The following MEGF11 variants were observed in gnomAD, a reference collection of about 807,000 sequenced individuals.
MEGF11 encodes multiple epidermal growth factor-like domains protein 11.
MEGF11 carries 126 observed loss-of-function variants against 146.6 expected under a neutral mutation model. The observed-to-expected ratio is 0.86, with a 90% CI of 0.74 to 1.00. MEGF11 has a LOEUF of 1.00. MEGF11 is among the 50% of genes least tolerant of loss of function. The pLI, the probability that MEGF11 is intolerant of heterozygous loss-of-function variation, is 0.00. For synonymous variants in MEGF11, 532 were observed against 583.4 expected, an observed-to-expected ratio of 0.91 and a Z score of 1.27; for missense variants, 1,509 against 1,521.2, an observed-to-expected ratio of 0.99 and a Z score of 0.13.
chr15:66,038,398 G>A (rs144774598), intron 5 of MEGF11, among the ~76,000 whole-genome samples: 141 of 152,260 alleles, frequency 9.3e-4, no homozygotes, highest in African/African-American at 3.3e-3. Flanking sequence ...TAAAATCGAG[G>A]GATGGTTAAG....
At chr15:66,184,360 G>T (rs1020370000) in intron 1 of MEGF11, among the ~76,000 whole-genome samples, 9 of 151,948 alleles carry the variant, frequency 5.9e-5, no homozygotes, top group Non-Finnish European at 1.2e-4. Context: ...GGTCTCCAGG[G>T]CTGGAACCCA....
chr15:65,979,745 CAA>C (rs912495188), intron 7 of MEGF11, among the ~76,000 whole-genome samples: 75 of 152,180 alleles, frequency 4.9e-4, no homozygotes, highest in African/African-American at 1.6e-3. Flanking sequence ...TCAGAGTTTG[CAA>C]AAGACTTTGG....
At position 65,915,594 on chromosome 15, in the gene MEGF11, A is replaced by G. The variant is rs1346038508; in HGVS notation, c.2349T>C (p.Cys783=). The G allele has an allele frequency of 6.2e-7, 1 of 1,613,742 alleles. No individual in the cohort carries two copies. The highest frequency in any genetic ancestry group is 8.5e-7 in the Non-Finnish European group (1 of 1,179,810). The change falls in exon 19 of 26, where the codon TGT becomes TGC. Residue 783 remains cysteine (C), a synonymous_variant. Coordinates refer to ENST00000395614, the MANE Select transcript of MEGF11 (RefSeq NM_001385028.1). ...ACCCATAGCCAAAGGTTCCTGGGGCACATCCTGTGTGGCACAAAGAGTTAG... is the reference window on the plus strand; with the variant it reads ...ACCCATAGCCAAAGGTTCCTGGGGCGCATCCTGTGTGGCACAAAGAGTTAG... ...GFTGQHCEQR[C]APGTFGYGCQ...
intron 1 of MEGF11, among the ~76,000 whole-genome samples, chr15:66,165,080 C>T (rs2090061407): frequency 6.6e-6 from 1 of 152,216 alleles, no homozygotes; most frequent in African/African-American, 2.4e-5. Flanking sequence ...TGACCAACCC[C>T]TCACAGCACG....
At chr15:65,942,450 C>T (rs767460563) in intron 10 of MEGF11, among the ~76,000 whole-genome samples, 10 of 152,036 alleles carry the variant, frequency 6.6e-5, no homozygotes, top group African/African-American at 1.5e-4. Flanking sequence ...GCTAAGATGG[C>T]GGAATAACAG....
In MEGF11 at chr15:66,191,404, T is replaced by C. The variant is rs1467483742; in HGVS notation, c.-9+62201A>G. ...TGCATCACATAGTTGGGTGGAAAAA[T>C]CCATTATCTTAACAGCTGGCACCAG... On this transcript the variant is annotated intron_variant, in intron 1 of 25. Coordinates refer to ENST00000395614, the MANE Select transcript of MEGF11 (RefSeq NM_001385028.1). Among the ~76,000 whole-genome samples the C allele has an allele frequency of 2.0e-5, 3 of 152,238 alleles. No individual in the cohort carries two copies. In the East Asian group the frequency reaches 5.8e-4, roughly 29 times the overall value.
intron 5 of MEGF11, among the ~76,000 whole-genome samples, chr15:66,081,243 G>C (rs1318755473): frequency 6.6e-6 from 1 of 152,216 alleles, no homozygotes; most frequent in Admixed American, 6.5e-5. Flanking sequence ...TGGCAGGAAG[G>C]GGAGACATCC....
chr15:66,140,589 A>G (rs999808463), intron 1 of MEGF11, among the ~76,000 whole-genome samples: 2 of 152,240 alleles, frequency 1.3e-5, no homozygotes, highest in Non-Finnish European at 2.9e-5. Context: ...CGTGCCCACA[A>G]ATTTCTAAAT....
intron 1 of MEGF11, among the ~76,000 whole-genome samples, chr15:66,151,816 C>T (rs370227537): frequency 5.9e-5 from 9 of 152,210 alleles, no homozygotes; most frequent in African/African-American, 1.2e-4. Flanking sequence ...CAAGACAGAC[C>T]GCTGACCCTG....
intron 15 of MEGF11, 29 bp downstream of exon 15, chr15:65,922,309 A>T (rs2079198651): frequency 1.2e-6 from 2 of 1,601,466 alleles, no homozygotes; most frequent in Non-Finnish European, 1.7e-6. Flanking sequence ...TCACCTCCCC[A>T]CCCAGTACCT....
chr15:66,192,819 C>T (rs1280351183), intron 1 of MEGF11, among the ~76,000 whole-genome samples: 2 of 152,218 alleles, frequency 1.3e-5, no homozygotes, highest in East Asian at 1.9e-4. Flanking sequence ...TGATTCCTGG[C>T]GTGGCGCCCT....
At chr15:66,155,048 A>G (rs1244337175) in intron 1 of MEGF11, among the ~76,000 whole-genome samples, 1 of 152,222 alleles carries the variant, frequency 6.6e-6, no homozygotes, top group Non-Finnish European at 1.5e-5. Context: ...AAGGGATCAT[A>G]TTCAGATGCT....
rs372328818 is a variant in MEGF11, at chr15:66,017,340, C to T, written c.395-34852G>A. Among the ~76,000 whole-genome samples the T allele has an allele frequency of 1.5e-3, 221 of 152,312 alleles. 2 individuals are homozygous for T. In the South Asian group the frequency reaches 0.045, roughly 31 times the overall value. ...ATAGGGACTGCAGTTAACTGAGCAC[C>T]TTCTGTGGGCCAAGCACATTTCATC... On this transcript the variant is annotated intron_variant, in intron 5 of 25. Coordinates refer to ENST00000395614, the MANE Select transcript of MEGF11 (RefSeq NM_001385028.1).
rs146124862 is a variant in MEGF11 at position 66,085,313 on chromosome 15, C to T, written c.394+9089G>A. Among the ~76,000 whole-genome samples the T allele has an allele frequency of 1.6e-3, 251 of 152,270 alleles. 1 individual carries two copies. The highest frequency in any genetic ancestry group is 5.8e-3 in the African/African-American group (240 of 41,532). On this transcript the variant is annotated intron_variant, in intron 5 of 25. Transcript: ENST00000395614. ...GCCCCACCCACTACCGGTCCCTCTC[C>T]ACATTACTATAGCTGATGCTTTCTG...
At chr15:65,911,890 C>T (rs546410807) in intron 21 of MEGF11, among the ~76,000 whole-genome samples, 192 bp downstream of exon 21, 2 of 152,372 alleles carry the variant, frequency 1.3e-5, no homozygotes, top group African/African-American at 4.8e-5. Context: ...CTCCACATAA[C>T]ATGCTGGCTC....
intron 5 of MEGF11, among the ~76,000 whole-genome samples, chr15:65,997,773 T>C (rs2082245327): frequency 6.6e-6 from 1 of 152,078 alleles, no homozygotes. Context: ...AACAAGTAAG[T>C]ATATAATTAT....
Position 65,941,447 on chromosome 15 carries a change from CA to C in MEGF11, c.1288-10505del, listed in dbSNP as rs201714757. On this transcript the variant is annotated intron_variant, in intron 10 of 25. Coordinates refer to ENST00000395614, the MANE Select transcript of MEGF11 (RefSeq NM_001385028.1). Reference sequence around the variant, plus strand: ...TGGGTGACAAAGTGAGACTCCATCTCAAAAAAAAAAAATTCAGACCCAAGAG... The same window carrying C: ...TGGGTGACAAAGTGAGACTCCATCTCAAAAAAAAAAATTCAGACCCAAGAG... Among the ~76,000 whole-genome samples, 364 of 142,122 alleles carry C rather than the reference CA, an allele frequency of 2.6e-3. 2 individuals carry two copies. Among genetic ancestry groups the C allele is most frequent in the Admixed American group, 0.016 (227 of 14,360 alleles). 93.2% of individuals were successfully genotyped at this position (142,122 alleles called of 152,430 possible).
intron 23 of MEGF11, among the ~76,000 whole-genome samples, chr15:65,907,238 T>C (rs1165591769): frequency 1.3e-5 from 2 of 152,228 alleles, no homozygotes; most frequent in African/African-American, 4.8e-5. Context: ...GTTCCACATA[T>C]TACTGAGAGA....
intron 1 of MEGF11, among the ~76,000 whole-genome samples, chr15:66,221,930 G>A (rs543975459): frequency 1.3e-4 from 20 of 152,192 alleles, no homozygotes; most frequent in Admixed American, 2.6e-4. Flanking sequence ...CAAGCTGGCC[G>A]GCAATAAGTA....
Sources: gnomAD v4.1 joint callset for allele counts (sites outside exome capture counted in the v4.1 genomes callset) on GRCh38, gnomAD v4.1.1 for gene constraint, MANE v1.5 for transcripts, NCBI Gene and HGNC (gene_info 2026-07-23, HGNC 2026-07-21) for gene names.